KMT2B: variants seen among roughly 807,000 people sequenced by gnomAD.
KMT2B encodes histone-lysine N-methyltransferase 2B.
A neutral mutation model predicts 255.3 loss-of-function variants in KMT2B; 22 were observed. The observed-to-expected ratio is 0.09, with a 90% CI of 0.06 to 0.12. KMT2B has a LOEUF of 0.12. Among genes scored for constraint, KMT2B ranks in the 10% least tolerant of loss-of-function variants. The probability of loss-of-function intolerance (pLI) is 1.00; values close to 1 mark genes in which losing one functional copy is unlikely to be tolerated. For synonymous variants in KMT2B, 1,730 were observed against 1,498.1 expected, an observed-to-expected ratio of 1.15 and a Z score of -3.57; for missense variants, 3,149 against 3,737.0, an observed-to-expected ratio of 0.84 and a Z score of 4.10.
At chr19:35,724,150 G>C (rs1025123837) in intron 8 of KMT2B, 143 bp downstream of exon 8, 2 of 771,014 alleles carry the variant, frequency 2.6e-6, no homozygotes, top group Non-Finnish European at 4.1e-6. Context: ...CAGTTTTTAG[G>C]TGGATGTACA....
rs925476296 is a variant in KMT2B at position 35,723,353 on chromosome 19, C to T, written c.3002+79C>T. ...CTACCTCACTCCTCTTCTGCCTGGC[C>T]AGAGCAGTGGGGTTGGCATTCTTGT... On this transcript the variant is annotated intron_variant, in intron 6 of 36. Coordinates refer to ENST00000420124, the MANE Select transcript of KMT2B (RefSeq NM_014727.3). This position sits in a 1 kb window ranked among gnomAD's most constrained non-coding sequence, Gnocchi z 7.5. 1 of 1,558,002 alleles carries T rather than the reference C, an allele frequency of 6.4e-7. No individual in the cohort carries two copies.
Position 35,727,876 on chromosome 19 carries a change from T to A in KMT2B, c.4393-5T>A. On this transcript the variant is annotated splice_polypyrimidine_tract_variant and splice_region_variant and intron_variant, in intron 17 of 36. Coordinates refer to ENST00000420124, the MANE Select transcript of KMT2B (RefSeq NM_014727.3). This position sits in a 1 kb window ranked among gnomAD's most constrained non-coding sequence, Gnocchi z 4.2. ...GGACTCAGTCTCTGACAAACCCCCT[T>A]ACAGCACAGCTTCATGGAGGACATG... 1 of 1,609,476 alleles carries A rather than the reference T, an allele frequency of 6.2e-7. No homozygotes were observed. Among genetic ancestry groups the A allele is most frequent in the South Asian group, 1.1e-5 (1 of 90,800 alleles).
At chr19:35,730,947 T>C in intron 26 of KMT2B, 80 bp downstream of exon 26, 1 of 1,438,776 alleles carries the variant, frequency 7.0e-7, no homozygotes, top group Non-Finnish European at 9.2e-7. Context: ...CGCTCCCTTT[T>C]GGAAAGTCCA....
In KMT2B at chr19:35,737,026, C is replaced by T. The variant is rs746421321; in HGVS notation, c.7372+40C>T. Reference sequence around the variant, plus strand: ...CCACAGGGGGCAGGGAGCTGGATGTCTCCCCGAGGGCACCATGGGCCCTCC... The same window carrying T: ...CCACAGGGGGCAGGGAGCTGGATGTTTCCCCGAGGGCACCATGGGCCCTCC... On this transcript the variant is annotated intron_variant, in intron 32 of 36. Transcript: ENST00000420124. The surrounding 1 kb of genome is among the most constrained non-coding windows in gnomAD (Gnocchi z 5.3). The T allele has an allele frequency of 2.5e-6, 4 of 1,610,534 alleles. No homozygotes were observed. Among genetic ancestry groups the T allele is most frequent in the South Asian group, 2.2e-5 (2 of 90,694 alleles).
chr19:35,728,302 G>T, intron 19 of KMT2B, 131 bp downstream of exon 19: 1 of 753,880 alleles, frequency 1.3e-6, no homozygotes, highest in African/African-American at 1.7e-5. Context: ...GAGGGTGGTG[G>T]AACCCAGGTG....
rs1175494969 is a variant in KMT2B, at chr19:35,720,512, G to A, written c.1165G>A (p.Glu389Lys). 2.6e-6 allele frequency: 4 copies of A among 1,551,144 alleles called. No homozygotes were observed. The highest frequency in any genetic ancestry group is 1.4e-5 in the African/African-American group (1 of 72,962). ...GAAGGAAGAAAGAGCTGTAGCTGAG[G>A]AGATGATGCCAGCTGCGGAAAAGGA... ...EEKEERAVAEEMMPAAEKEEA... is the reference protein window; with the variant it reads ...EEKEERAVAEKMMPAAEKEEA... The change falls in exon 3 of 37, where the codon GAG (glutamate) becomes AAG (lysine). Residue 389 changes from glutamate (E) to lysine (K), a missense_variant. Around this residue, in one of 18 missense-constraint regions of KMT2B, gnomAD observed 1,188 missense variants for 1,106.4 expected, o/e 1.07. Transcript: ENST00000420124.
chr19:35,724,227 C>T (rs550762107), intron 8 of KMT2B, among the ~76,000 whole-genome samples: 2 of 152,240 alleles, frequency 1.3e-5, no homozygotes, highest in African/African-American at 2.4e-5. Flanking sequence ...AGGCCTGGTG[C>T]AGTGGCTCAC....
intron 8 of KMT2B, 67 bp from the exon 9 acceptor site, chr19:35,724,570 T>G: frequency 9.3e-6 from 12 of 1,285,482 alleles, no homozygotes; most frequent in Non-Finnish European, 1.3e-5. Context: ...CCAGGTAACA[T>G]TTGGGGTTGT....
rs1969438295 is a variant in KMT2B, at chr19:35,726,277, T to G, written c.3927T>G (p.Thr1309=). Residue 1309 remains threonine (T), a synonymous_variant, in exon 14 of 37, where the codon ACT becomes ACG. Transcript: ENST00000420124. The stretch of plus-strand genomic sequence containing the variant: ...TGCGCTGTAAGAGCTGTGGGGCAAC[T>G]CCAGGCAAGAACTGGGACGTCGAGT... ...ACVRCKSCGA[T]PGKNWDVEWS... The G allele has an allele frequency of 6.2e-7, 1 of 1,613,694 alleles. No individual in the cohort carries two copies. Among genetic ancestry groups the G allele is most frequent in the African/African-American group, 1.3e-5 (1 of 74,900 alleles).
chr19:35,721,699 G>A lies in KMT2B; in HGVS notation c.2352G>A (p.Pro784=), dbSNP rs758216919. ...GGATTGCGGGCGTGGGTTCCTTGCCGCTGTCTGGGGTAGAGGAGAAGATGT... is the reference window on the plus strand; with the variant it reads ...GGATTGCGGGCGTGGGTTCCTTGCCACTGTCTGGGGTAGAGGAGAAGATGT... The part of the protein sequence containing the change: ...KARIAGVGSL[P]LSGVEEKMFS... The change falls in exon 3 of 37, where the codon CCG becomes CCA. Residue 784 remains proline (P), a synonymous_variant. Coordinates refer to ENST00000420124, the MANE Select transcript of KMT2B (RefSeq NM_014727.3). The A allele has an allele frequency of 4.0e-5, 65 of 1,610,128 alleles. No individual in the cohort carries two copies. The Middle Eastern group carries it at 9.9e-4, about 25-fold the overall frequency.
At position 35,718,431 on chromosome 19, in the gene KMT2B, C is replaced by T. The variant is rs1038655950; in HGVS notation, c.363+50C>T. 4.9e-6 allele frequency: 6 copies of T among 1,226,746 alleles called. No homozygotes were observed. Among genetic ancestry groups the T allele is most frequent in the Admixed American group, 4.3e-5 (1 of 23,410 alleles). The allele number at this position is 1,226,746 out of a possible 1,614,324, so 76.0% of individuals were successfully genotyped here. ...GCGCCGGGTGGGGCGGAGGCCGGGG[C>T]TTCCAGGGGTCTGGGTTGTCCCGGG... On this transcript the variant is annotated intron_variant, in intron 1 of 36. Transcript: ENST00000420124. The surrounding 1 kb of genome is among the most constrained non-coding windows in gnomAD (Gnocchi z 5.0).
rs375653365 is a variant in KMT2B at position 35,733,881 on chromosome 19, C to T, written c.7159+9C>T. Reference sequence around the variant, plus strand: ...GTGGCACCACTATTCAGGTAGGGACCGGCCTTGCCCTCTCCCTCCTTGCCT... The same window carrying T: ...GTGGCACCACTATTCAGGTAGGGACTGGCCTTGCCCTCTCCCTCCTTGCCT... On this transcript the variant is annotated intron_variant, in intron 30 of 36. Coordinates refer to ENST00000420124, the MANE Select transcript of KMT2B (RefSeq NM_014727.3). The surrounding 1 kb of genome is among the most constrained non-coding windows in gnomAD (Gnocchi z 4.3). 1.4e-5 allele frequency: 23 copies of T among 1,589,118 alleles called. No homozygotes were observed. The highest frequency in any genetic ancestry group is 6.7e-5 in the East Asian group (3 of 44,728).
chr19:35,725,792 C>T lies in KMT2B; in HGVS notation c.3859C>T (p.Arg1287Trp), dbSNP rs765981100. Residue 1287 changes from arginine (R) to tryptophan (W), a missense_variant, in exon 13 of 37, where the codon CGG becomes TGG. Physicochemically the swap from Arg to Trp is moderately radical, Grantham distance 101. Transcript: ENST00000420124. The surrounding 1 kb of genome is among the most constrained non-coding windows in gnomAD (Gnocchi z 4.1). ...PACLGPSYPT[R>W]ATRKRRHWIC... ...CTGTCTGGGGCCCAGCTATCCAACC[C>T]GGGCCACGCGCAAACGGCGCCACTG... is the stretch of plus-strand genomic sequence containing the variant. The T allele has an allele frequency of 7.5e-6, 12 of 1,590,308 alleles. No homozygotes were observed. Among genetic ancestry groups the T allele is most frequent in the South Asian group, 1.1e-5 (1 of 88,216 alleles).
rs780754353 is a variant in KMT2B at position 35,720,121 on chromosome 19, A to G, written c.774A>G (p.Pro258=). ...PKPEPPPPVV[P]VKHQTGSWKC... is the part of the protein sequence containing the mutation. ...CTGAGCCCCCACCTCCTGTGGTTCC[A>G]GTGAAACATCAGACTGGCAGCTGGA... The change falls in exon 3 of 37, where the codon CCA becomes CCG. Residue 258 remains proline (P), a synonymous_variant. Coordinates refer to ENST00000420124, the MANE Select transcript of KMT2B (RefSeq NM_014727.3). 36 of 1,599,234 alleles carry G rather than the reference A, an allele frequency of 2.3e-5. No individual in the cohort carries two copies. The highest frequency in any genetic ancestry group is 3.1e-5 in the Non-Finnish European group (36 of 1,173,088).
chr19:35,726,227 C>T lies in KMT2B; in HGVS notation c.3886-9C>T. ...CTGGTTTTCCCCTAACATCGCCCTG[C>T]TCCCCCAGATCTGTTCAGCCTGTGT... On this transcript the variant is annotated splice_polypyrimidine_tract_variant and intron_variant, in intron 13 of 36. Transcript: ENST00000420124. 5 of 1,609,130 alleles carry T rather than the reference C, an allele frequency of 3.1e-6. No individual in the cohort carries two copies. Among genetic ancestry groups the T allele is most frequent in the South Asian group, 1.1e-5 (1 of 90,980 alleles).
intron 22 of KMT2B, among the ~76,000 whole-genome samples, chr19:35,729,566 G>A (rs751482493): frequency 2.0e-5 from 3 of 152,138 alleles, no homozygotes; most frequent in Admixed American, 6.5e-5. Flanking sequence ...GCTGGGTGGC[G>A]TTGAGCTCTC....
chr19:35,737,956 G>T lies in KMT2B; in HGVS notation c.7742+14G>T, dbSNP rs201537300. 19 of 1,604,112 alleles carry T rather than the reference G, an allele frequency of 1.2e-5. No individual in the cohort carries two copies. Among genetic ancestry groups the T allele is most frequent in the East Asian group, 4.5e-5 (2 of 44,546 alleles). On this transcript the variant is annotated intron_variant, in intron 35 of 36. Transcript: ENST00000420124. This position sits in a 1 kb window ranked among gnomAD's most constrained non-coding sequence, Gnocchi z 5.3. ...GGGTGTCTACAGGTGAGTGGGGTTG[G>T]GGGGGAGGATGCCCCTTGGGTGGAC... is the stretch of plus-strand genomic sequence containing the variant.
chr19:35,724,519 G>A lies in KMT2B; in HGVS notation c.3335-118G>A, dbSNP rs187747362. 252 of 826,450 alleles carry A rather than the reference G, an allele frequency of 3.0e-4. No homozygotes were observed. In the African/African-American group the frequency reaches 3.5e-3, roughly 12 times the overall value. The allele number at this position is 826,450 out of a possible 1,614,324, so 51.2% of individuals were successfully genotyped here. A position where few individuals can be genotyped will look rare whatever the true frequency, so the allele number is the denominator to read the frequency against. ...GCCTCAAAAAACAAGAAAAAGAATC[G>A]TCCTGGCGGGTCTTGGTTAGTTAAA... is the stretch of plus-strand genomic sequence containing the variant. On this transcript the variant is annotated intron_variant, in intron 8 of 36. Transcript: ENST00000420124.
rs1969951762 is a variant in KMT2B, at chr19:35,737,193, C to A, written c.7480C>A (p.Gln2494Lys). 1 of 1,598,524 alleles carries A rather than the reference C, an allele frequency of 6.3e-7. No individual in the cohort carries two copies. ...CCAGCACTATAAGTTCCGTTACCAC[C>A]AGCAGGGAGAGGGCCAGGAGGAGCC... is the stretch of plus-strand genomic sequence containing the variant. ...RCQHYKFRYHQQGEGQEEPPL... is the reference protein window; with the variant it reads ...RCQHYKFRYHKQGEGQEEPPL... Residue 2494 changes from glutamine to lysine, a missense_variant, in exon 33 of 37, where the codon CAG becomes AAG. By Grantham distance (53) the Gln-to-Lys change is moderately conservative. Transcript: ENST00000420124. This position sits in a 1 kb window ranked among gnomAD's most constrained non-coding sequence, Gnocchi z 5.3.
Sources: allele counts gnomAD v4.1 joint callset (sites outside exome capture counted in the v4.1 genomes callset), GRCh38; gene constraint gnomAD v4.1.1; regional missense constraint gnomAD v4.1.1; non-coding constraint Gnocchi (gnomAD v3.1); transcripts MANE v1.5; gene names NCBI Gene and HGNC (gene_info 2026-07-23, HGNC 2026-07-21).